Variants in FBN2 observed in about 807,000 individuals in gnomAD.
FBN2 encodes fibrillin 2.
In FBN2, 105 loss-of-function variants were observed where a neutral mutation model predicts 355.6. That is an observed-to-expected ratio of 0.30 (90% confidence interval 0.25 to 0.35). The LOEUF (loss-of-function observed/expected upper bound fraction) is 0.35, where lower values mean the gene tolerates loss of function less well. Ranked by LOEUF, FBN2 falls within the 10% of genes least tolerant of loss-of-function variation. The pLI is 1.00. For missense variants in FBN2, 3,280 were observed against 3,758.7 expected, an observed-to-expected ratio of 0.87 and a Z score of 3.33; for synonymous variants, 1,350 against 1,301.2, an observed-to-expected ratio of 1.04 and a Z score of -0.81.
intron 5 of FBN2, among the ~76,000 whole-genome samples, chr5:128,509,856 T>C (rs1047489528): frequency 2.0e-5 from 3 of 152,156 alleles, no homozygotes; most frequent in African/African-American, 4.8e-5. Flanking sequence ...CCACCAATTA[T>C]GTGACCCTCT....
intron 62 of FBN2, among the ~76,000 whole-genome samples, chr5:128,265,637 A>G (rs979814389): frequency 1.3e-5 from 2 of 152,214 alleles, no homozygotes; most frequent in Non-Finnish European, 2.9e-5. Context: ...GTATTTACAT[A>G]TTTCCAATTT....
rs147500746 is a variant in FBN2, at chr5:128,369,788, C to T, written c.2096-454G>A. 6.8e-3 allele frequency among the ~76,000 whole-genome samples: 1,034 copies of T among 152,272 alleles called. 20 individuals carry two copies. Among genetic ancestry groups the T allele is most frequent in the African/African-American group, 0.024 (998 of 41,542 alleles). ...TGGCTTGGGCGTGAGATTTCTTACTCCCACTTTCCGAGTTAGGAGGCCTTT... is the reference window on the plus strand; with the variant it reads ...TGGCTTGGGCGTGAGATTTCTTACTTCCACTTTCCGAGTTAGGAGGCCTTT... On this transcript the variant is annotated intron_variant, in intron 15 of 64. Coordinates refer to ENST00000262464, the MANE Select transcript of FBN2 (RefSeq NM_001999.4).
At position 128,286,810 on chromosome 5, in the gene FBN2, G is replaced by T; in HGVS notation, c.6920C>A (p.Ser2307Tyr). 6.8e-6 allele frequency: 11 copies of T among 1,614,020 alleles called. No individual in the cohort carries two copies. The highest frequency in any genetic ancestry group is 9.3e-6 in the Non-Finnish European group (11 of 1,179,864). Residue 2307 changes from serine (S) to tyrosine (Y), a missense_variant, in exon 55 of 65, where the codon TCT becomes TAT. Physicochemically the swap from Ser to Tyr is moderately radical, Grantham distance 144. This residue lies in a region of FBN2 where 2,284 missense variants were observed against 2,749.5 expected (regional missense o/e 0.83). Coordinates refer to ENST00000262464, the MANE Select transcript of FBN2 (RefSeq NM_001999.4). Reference sequence around the variant, plus strand: ...TAGATTCTTACACATCATGCCCCTAGATTCACAGTCGTGTAACCCTTCAGC... The same window carrying T: ...TAGATTCTTACACATCATGCCCCTATATTCACAGTCGTGTAACCCTTCAGC... ...ECAEGLHDCE[S>Y]RGMMCKNLIG...
intron 61 of FBN2, among the ~76,000 whole-genome samples, chr5:128,273,417 G>A (rs6893195): frequency 0.083 from 12,568 of 152,172 alleles, 673 homozygotes; most frequent in Non-Finnish European, 0.12. Flanking sequence ...TCACCTTAGC[G>A]TGTTCAGTAC....
chr5:128,338,882 G>GT, intron 26 of FBN2, 51 bp downstream of exon 26: 3 of 1,595,346 alleles, frequency 1.9e-6, no homozygotes. Flanking sequence ...GCACGAATGA[G>GT]TCTGTGCTAG....
chr5:128,439,457 T>C (rs915838948), intron 7 of FBN2, among the ~76,000 whole-genome samples: 1 of 152,124 alleles, frequency 6.6e-6, no homozygotes, highest in Non-Finnish European at 1.5e-5. Flanking sequence ...TGTCTCACAG[T>C]TTTATATTAC....
At chr5:128,470,243 A>G (rs1385013929) in intron 5 of FBN2, among the ~76,000 whole-genome samples, 2 of 152,182 alleles carry the variant, frequency 1.3e-5, no homozygotes, top group African/African-American at 2.4e-5. Flanking sequence ...TGAGCAGCCA[A>G]ATTGCAGGAG....
chr5:128,519,256 C>T lies in FBN2; in HGVS notation c.628+17G>A. ...AATAGACTTCTTCAGAAAGTAAAGT[C>T]TCATTTCTCTTCTTACCTCTTTCAC... is the stretch of plus-strand genomic sequence containing the variant. On this transcript the variant is annotated intron_variant, in intron 5 of 64. Coordinates refer to ENST00000262464, the MANE Select transcript of FBN2 (RefSeq NM_001999.4). 1 of 1,569,002 alleles carries T rather than the reference C, an allele frequency of 6.4e-7. No homozygotes were observed. The highest frequency in any genetic ancestry group is 2.2e-5 in the East Asian group (1 of 44,694).
intron 5 of FBN2, among the ~76,000 whole-genome samples, chr5:128,511,304 C>T (rs1756122367): frequency 6.6e-6 from 1 of 152,160 alleles, no homozygotes; most frequent in African/African-American, 2.4e-5. Context: ...TCAGTGCCTA[C>T]TTGAGGGTAT....
intron 18 of FBN2, among the ~76,000 whole-genome samples, chr5:128,362,970 A>G (rs1025496009): frequency 6.6e-6 from 1 of 152,066 alleles, no homozygotes; most frequent in African/African-American, 2.4e-5. Flanking sequence ...TTCCATCATC[A>G]CTGATAATAT....
chr5:128,497,418 C>T (rs1755684536), intron 5 of FBN2, among the ~76,000 whole-genome samples: 2 of 152,124 alleles, frequency 1.3e-5, no homozygotes, highest in Non-Finnish European at 2.9e-5. Context: ...GGATGAGGAA[C>T]AAAATAGTGG....
intron 5 of FBN2, among the ~76,000 whole-genome samples, chr5:128,480,004 ATATATATATATATATATATG>A (rs1310957582): frequency 2.1e-3 from 168 of 79,830 alleles, no homozygotes; most frequent in African/African-American, 2.8e-3. Flanking sequence ...ATATATATAT[ATATATATATATATATATATG>A]TATATACACA....
chr5:128,525,973 A>T (rs187789480), intron 4 of FBN2, among the ~76,000 whole-genome samples: 2 of 152,270 alleles, frequency 1.3e-5, no homozygotes, highest in East Asian at 3.9e-4. Flanking sequence ...AGTATTTGCA[A>T]TGGAGAAAGC....
intron 6 of FBN2, among the ~76,000 whole-genome samples, chr5:128,463,244 C>T (rs1028429336): frequency 2.0e-5 from 3 of 151,938 alleles, no homozygotes; most frequent in Non-Finnish European, 2.9e-5. Flanking sequence ...AGAATATCTT[C>T]CTATAGAAGA....
chr5:128,333,214 G>C (rs1477436868), intron 31 of FBN2, among the ~76,000 whole-genome samples, 180 bp from the exon 32 acceptor site: 3 of 152,236 alleles, frequency 2.0e-5, no homozygotes, highest in South Asian at 2.1e-4. Context: ...GAAAATTCAT[G>C]ATCCTAATAA....
chr5:128,261,420 A>G (rs141376190), intron 64 of FBN2, among the ~76,000 whole-genome samples: 38 of 152,370 alleles, frequency 2.5e-4, no homozygotes, highest in African/African-American at 9.1e-4. Context: ...CAAATTAAAA[A>G]TAATTTCATT....
intron 5 of FBN2, among the ~76,000 whole-genome samples, chr5:128,502,874 C>T (rs1755855325): frequency 6.6e-6 from 1 of 152,120 alleles, no homozygotes; most frequent in Non-Finnish European, 1.5e-5. Context: ...TGCTATGACA[C>T]TTTCTTTGTT....
chr5:128,261,588 T>C, intron 64 of FBN2, 148 bp downstream of exon 64: 2 of 746,610 alleles, frequency 2.7e-6, no homozygotes, highest in South Asian at 2.9e-5. Flanking sequence ...TTTAATTTAC[T>C]TGTCTTTTCC....
intron 34 of FBN2, among the ~76,000 whole-genome samples, chr5:128,326,612 G>T (rs1209508452): frequency 6.6e-6 from 1 of 152,168 alleles, no homozygotes; most frequent in Admixed American, 6.5e-5. Flanking sequence ...GACAACAAGG[G>T]ATTAAAATAG....
Sources: gnomAD v4.1 joint callset for allele counts (sites outside exome capture counted in the v4.1 genomes callset) on GRCh38, gnomAD v4.1.1 for gene constraint, gnomAD v4.1.1 regional missense constraint, MANE v1.5 for transcripts, NCBI Gene and HGNC (gene_info 2026-07-23, HGNC 2026-07-21) for gene names.